ACYP2: variants seen among roughly 807,000 people sequenced by gnomAD.
ACYP2 encodes acylphosphatase 2, also known as acylphosphatase-2.
A neutral mutation model predicts 11.2 loss-of-function variants in ACYP2; 12 were observed. That is an observed-to-expected ratio of 1.08 (90% CI 0.69 to 1.74). The LOEUF is 1.74. ACYP2 is among the 40% of genes most tolerant of loss of function. The probability of loss-of-function intolerance (pLI) is 0.00; values close to 1 mark genes in which losing one functional copy is unlikely to be tolerated. For missense variants in ACYP2, 134 were observed against 101.9 expected (o/e 1.31, Z -1.35); for synonymous variants, 43 against 32.2 (o/e 1.33, Z -1.13).
intron 4 of ACYP2, among the ~76,000 whole-genome samples, chr2:54,094,933 G>A (rs2103688339): frequency 6.6e-6 from 1 of 151,118 alleles, no homozygotes; most frequent in Non-Finnish European, 1.5e-5. Flanking sequence ...GTTTCTCACA[G>A]AGGGGGATTT....
At chr2:54,151,517 T>C (rs1015544992) in intron 6 of ACYP2, among the ~76,000 whole-genome samples, 1 of 152,200 alleles carries the variant, frequency 6.6e-6, no homozygotes, top group Non-Finnish European at 1.5e-5. Flanking sequence ...GGATGTTCTA[T>C]TGAAACATAG....
At chr2:54,126,326 G>A (rs901806318) in intron 4 of ACYP2, among the ~76,000 whole-genome samples, 8 of 152,102 alleles carry the variant, frequency 5.3e-5, no homozygotes, top group Middle Eastern at 3.2e-3. Context: ...ACTATAGTTG[G>A]TAATTCTGTG....
intron 4 of ACYP2, among the ~76,000 whole-genome samples, chr2:54,095,511 G>A (rs1369942325): frequency 6.7e-6 from 1 of 150,096 alleles, no homozygotes; most frequent in Non-Finnish European, 1.5e-5. Flanking sequence ...GCTGGGCGGG[G>A]GGCTGACCCC....
intron 6 of ACYP2, among the ~76,000 whole-genome samples, chr2:54,154,669 G>C (rs981448192): frequency 9.9e-5 from 15 of 152,070 alleles, no homozygotes; most frequent in African/African-American, 3.4e-4. Context: ...GTTGAATTTG[G>C]CTTATTCGTA....
At chr2:54,122,580 T>A (rs1465475760) in intron 4 of ACYP2, among the ~76,000 whole-genome samples, 2 of 152,240 alleles carry the variant, frequency 1.3e-5, no homozygotes, top group African/African-American at 2.4e-5. Flanking sequence ...AAGAGGGCTG[T>A]GTTCCAGCCA....
chr2:54,046,349 C>T (rs980268952), intron 2 of ACYP2, among the ~76,000 whole-genome samples: 1 of 151,662 alleles, frequency 6.6e-6, no homozygotes, highest in Admixed American at 6.6e-5. Flanking sequence ...TGTGATGGAA[C>T]ACACTTGTAA....
At chr2:54,177,491 C>T (rs1233634955) in intron 6 of ACYP2, among the ~76,000 whole-genome samples, 2 of 152,124 alleles carry the variant, frequency 1.3e-5, no homozygotes, top group Non-Finnish European at 2.9e-5. Flanking sequence ...TATCCTTGCC[C>T]ACACCTTGCA....
At chr2:54,147,499 T>C (rs1165485248) in intron 6 of ACYP2, among the ~76,000 whole-genome samples, 2 of 151,946 alleles carry the variant, frequency 1.3e-5, no homozygotes, top group South Asian at 4.1e-4. Flanking sequence ...GTTTACTGTA[T>C]AGTTACTCCT....
intron 6 of ACYP2, among the ~76,000 whole-genome samples, chr2:54,242,455 T>C (rs1686768283): frequency 6.6e-6 from 1 of 152,246 alleles, no homozygotes. Flanking sequence ...AATGAACATA[T>C]ATTTGATGCT....
chr2:54,235,582 C>G (rs537098150), intron 6 of ACYP2, among the ~76,000 whole-genome samples: 1 of 152,148 alleles, frequency 6.6e-6, no homozygotes. Context: ...GATCTCCTAA[C>G]CTCGTGATCT....
intron 6 of ACYP2, among the ~76,000 whole-genome samples, chr2:54,187,965 C>A (rs1237015802): frequency 1.3e-5 from 2 of 152,176 alleles, no homozygotes; most frequent in African/African-American, 4.8e-5. Flanking sequence ...GAGAACACAA[C>A]ATTTCTACCC....
At chr2:54,023,863 G>C (rs894289662) in intron 2 of ACYP2, among the ~76,000 whole-genome samples, 7 of 152,050 alleles carry the variant, frequency 4.6e-5, no homozygotes, top group Non-Finnish European at 1.0e-4. Context: ...AATTCTACCA[G>C]ACATTCAAAG....
chr2:54,279,052 A>G (rs1233365283), intron 6 of ACYP2, among the ~76,000 whole-genome samples: 1 of 152,222 alleles, frequency 6.6e-6, no homozygotes, highest in Non-Finnish European at 1.5e-5. Flanking sequence ...ACCACTTTTA[A>G]TGCCACAGTA....
At chr2:54,116,591 TTTCTTAA>T (rs2103730533) in intron 4 of ACYP2, among the ~76,000 whole-genome samples, 1 of 152,264 alleles carries the variant, frequency 6.6e-6, no homozygotes, top group South Asian at 2.1e-4. Context: ...TGTAATGCTT[TTTCTTAA>T]TTTCCTTTGA....
chr2:54,074,604 G>A (rs930658845), intron 4 of ACYP2, among the ~76,000 whole-genome samples: 2 of 151,786 alleles, frequency 1.3e-5, no homozygotes, highest in African/African-American at 4.8e-5. Flanking sequence ...GTGTGTGTGT[G>A]TGTGTGTGTG....
At chr2:54,161,913 G>T (rs1236150540) in intron 6 of ACYP2, among the ~76,000 whole-genome samples, 2 of 151,880 alleles carry the variant, frequency 1.3e-5, no homozygotes, top group East Asian at 1.9e-4. Context: ...TTATAATTTG[G>T]TAAGTCTTTG....
chr2:54,117,565 A>G (rs888933964), intron 4 of ACYP2, among the ~76,000 whole-genome samples: 1 of 152,182 alleles, frequency 6.6e-6, no homozygotes, highest in Admixed American at 6.5e-5. Flanking sequence ...AAGTGATGGG[A>G]TTACAGGCGT....
chr2:54,065,718 C>T (rs1453821615), intron 4 of ACYP2: 16 of 386,840 alleles, frequency 4.1e-5, no homozygotes, highest in Non-Finnish European at 5.9e-5. Flanking sequence ...AGGCTGTAGC[C>T]GGAAAGTGAT....
rs1671073513 is a variant in ACYP2 at position 53,971,141 on chromosome 2, GC to G, written c.-216del. ...GGCGGCAGCTGGAGCCCAACGGGCT[GC>G]GCCTTCTTCGCCGTGGGCCCGGCTC... On this transcript the variant is annotated 5_prime_UTR_variant, in exon 1 of 7. Coordinates refer to ENST00000607452, the MANE Select transcript of ACYP2 (RefSeq NM_001320586.2). 4.9e-6 allele frequency: 1 copy of G among 204,556 alleles called. No individual in the cohort carries two copies. The highest frequency in any genetic ancestry group is 9.7e-6 in the Non-Finnish European group (1 of 102,970). The allele number at this position is 204,556 out of a possible 1,614,324, so 12.7% of individuals were successfully genotyped here.
Sources: gnomAD v4.1 joint callset for allele counts (sites outside exome capture counted in the v4.1 genomes callset) on GRCh38, gnomAD v4.1.1 for gene constraint, MANE v1.5 for transcripts, NCBI Gene and HGNC (gene_info 2026-07-23, HGNC 2026-07-21) for gene names.